GANC: variants seen among roughly 807,000 people sequenced by gnomAD.
GANC encodes glucosidase alpha, neutral C, also known as neutral alpha-glucosidase C.
A neutral mutation model predicts 124.2 loss-of-function variants in GANC; 117 were observed. The ratio of observed to expected loss-of-function variants is 0.94; its 90% CI spans 0.81 to 1.10. GANC has a LOEUF of 1.10. GANC is among the 50% of genes least tolerant of loss of function. The pLI, the probability that GANC is intolerant of heterozygous loss-of-function variation, is 0.00. For missense variants in GANC, 1,140 were observed against 1,095.0 expected, an observed-to-expected ratio of 1.04 and a Z score of -0.58; for synonymous variants, 377 against 376.8, an observed-to-expected ratio of 1.00 and a Z score of -0.01.
chr15:42,278,769 A>G (rs926767344), intron 3 of GANC, among the ~76,000 whole-genome samples, 179 bp downstream of exon 3: 2 of 152,182 alleles, frequency 1.3e-5, no homozygotes, highest in Non-Finnish European at 2.9e-5. Flanking sequence ...AGAAGTGGGC[A>G]GATTGCTCGA....
At chr15:42,311,749 A>G (rs568031180) in intron 10 of GANC, among the ~76,000 whole-genome samples, 1 of 152,214 alleles carries the variant, frequency 6.6e-6, no homozygotes, top group African/African-American at 2.4e-5. Context: ...CGCCTCCATG[A>G]TCCAGTCATC....
chr15:42,349,400 G>C lies in GANC; in HGVS notation c.2436G>C (p.Glu812Asp), dbSNP rs745573426. The C allele has an allele frequency of 4.3e-6, 7 of 1,611,090 alleles. No individual in the cohort carries two copies. The highest frequency in any genetic ancestry group is 5.9e-6 in the Non-Finnish European group (7 of 1,177,284). ...ALSTKGSSVG[E>D]LYLDDGHSFQ... ...TTCTCCAGGGTTCTTCAGTGGGTGAGTTATATCTTGATGATGGCCATTCAT... is the reference window on the plus strand; with the variant it reads ...TTCTCCAGGGTTCTTCAGTGGGTGACTTATATCTTGATGATGGCCATTCAT... Residue 812 changes from glutamate (E) to aspartate (D), a missense_variant, in exon 22 of 24, where the codon GAG becomes GAC. Coordinates refer to ENST00000318010, the MANE Select transcript of GANC (RefSeq NM_198141.3).
chr15:42,274,464 C>G lies in GANC; in HGVS notation c.-18C>G, dbSNP rs184522168. ...CTTGTCCTGAGAGCTGGGAGCTGGT[C>G]GGAGTGACAGAGAAGCCATGGAAGC... On this transcript the variant is annotated 5_prime_UTR_variant, in exon 1 of 24. Transcript: ENST00000318010. The G allele has an allele frequency of 6.2e-7, 1 of 1,609,322 alleles. No individual in the cohort carries two copies. Among genetic ancestry groups the G allele is most frequent in the East Asian group, 2.2e-5 (1 of 44,794 alleles).
At chr15:42,304,714 A>G (rs1008427377) in intron 6 of GANC, among the ~76,000 whole-genome samples, 2 of 152,234 alleles carry the variant, frequency 1.3e-5, no homozygotes, top group South Asian at 2.1e-4. Context: ...ACTTCAAATT[A>G]TACTACAAGG....
At chr15:42,302,590 G>A (rs201234262) in intron 6 of GANC, among the ~76,000 whole-genome samples, 5 of 152,086 alleles carry the variant, frequency 3.3e-5, no homozygotes, top group Non-Finnish European at 5.9e-5. Context: ...CCAATGCAAG[G>A]AAGCTAAGAA....
chr15:42,310,312 T>C lies in GANC; in HGVS notation c.752T>C (p.Leu251Pro), dbSNP rs891129983. Residue 251 changes from leucine (L) to proline (P), a missense_variant, in exon 9 of 24, where the codon CTG becomes CCG. By Grantham distance (98) the Leu-to-Pro change is moderately conservative. Transcript: ENST00000318010. ...GGAGATGCTTACCGTCTTTATAACC[T>C]GGATGTCTATGGATACCAAATATAT... ...GDGDAYRLYNLDVYGYQIYDK... is the reference protein window; with the variant it reads ...GDGDAYRLYNPDVYGYQIYDK... 6.2e-7 allele frequency: 1 copy of C among 1,609,660 alleles called. No homozygotes were observed. The highest frequency in any genetic ancestry group is 1.3e-5 in the African/African-American group (1 of 74,976).
At chr15:42,326,274 C>G in intron 11 of GANC, 24 bp from the exon 12 acceptor site, 1 of 1,553,528 alleles carries the variant, frequency 6.4e-7, no homozygotes. Flanking sequence ...CTGATGAGAC[C>G]TCCAAACCTT....
Position 42,345,690 on chromosome 15 carries a change from GCT to G in GANC, c.2230-67_2230-66del, listed in dbSNP as rs1256868145. 3 of 847,316 alleles carry G rather than the reference GCT, an allele frequency of 3.5e-6. No individual in the cohort carries two copies. The East Asian group carries it at 7.4e-5, about 21-fold the overall frequency. The allele number at this position is 847,316 out of a possible 1,614,324, so 52.5% of individuals were successfully genotyped here. Reference sequence around the variant, plus strand: ...TGAAATCCAGGTAAGTGGATATTTTGCTGACTAATGAAATGGTGAGCAGAGTT... The same window carrying G: ...TGAAATCCAGGTAAGTGGATATTTTGGACTAATGAAATGGTGAGCAGAGTT... On this transcript the variant is annotated intron_variant, in intron 19 of 23. Coordinates refer to ENST00000318010, the MANE Select transcript of GANC (RefSeq NM_198141.3).
At chr15:42,295,639 GACACACAC>G (rs60220273) in intron 5 of GANC, among the ~76,000 whole-genome samples, 77,567 of 137,544 alleles carry the variant, frequency 0.56, 23,789 homozygotes, top group Non-Finnish European at 0.69. Context: ...CTTTATTATA[GACACACAC>G]ACACACACAC....
intron 18 of GANC, among the ~76,000 whole-genome samples, chr15:42,341,230 A>G (rs939933279): frequency 3.9e-5 from 6 of 152,036 alleles, no homozygotes; most frequent in African/African-American, 1.2e-4. Flanking sequence ...GTAGGATCAT[A>G]CCTCCATTCT....
At chr15:42,310,595 A>T (rs920110958) in intron 9 of GANC, 98 bp from the exon 10 acceptor site, 1 of 1,494,172 alleles carries the variant, frequency 6.7e-7, no homozygotes, top group Non-Finnish European at 9.1e-7. Context: ...AGTGAATATC[A>T]GTAGTATCTA....
At position 42,293,034 on chromosome 15, in the gene GANC, G is replaced by C. The variant is rs150161481; in HGVS notation, c.512+117G>C. 1.4e-4 allele frequency: 134 copies of C among 933,906 alleles called. No homozygotes were observed. The East Asian group carries it at 3.2e-3, about 22-fold the overall frequency. The allele number at this position is 933,906 out of a possible 1,614,324, so 57.9% of individuals were successfully genotyped here. ...AAATTGGTTTGCCTTATTTGCTCTA[G>C]TATTGTTCTGAGAAATTTTACCTTT... is the stretch of plus-strand genomic sequence containing the variant. On this transcript the variant is annotated intron_variant, in intron 5 of 23. Transcript: ENST00000318010.
chr15:42,319,585 C>T (rs1215283727), intron 10 of GANC, among the ~76,000 whole-genome samples: 2 of 151,892 alleles, frequency 1.3e-5, no homozygotes, highest in African/African-American at 4.8e-5. Flanking sequence ...GTCTTAAACC[C>T]CTGGTCTCAA....
At position 42,321,860 on chromosome 15, in the gene GANC, TA is replaced by T. The variant is rs779397698; in HGVS notation, c.1137del (p.Ala380GlnfsTer20). 1.5e-5 allele frequency: 25 copies of T among 1,614,214 alleles called. 1 individual carries two copies. In the Admixed American group the frequency reaches 3.2e-4, roughly 20 times the overall value. ...CRWNYEDEQD[V>X]KAVDAGFDEH... The stretch of plus-strand genomic sequence containing the variant: ...TGGAACTATGAAGATGAGCAGGATG[TA>T]AAAGCAGTGGATGCAGGGTTTGATG... On this transcript the variant is annotated frameshift_variant, in exon 11 of 24. Coordinates refer to ENST00000318010, the MANE Select transcript of GANC (RefSeq NM_198141.3). LOFTEE classifies it high-confidence loss of function.
At position 42,353,082 on chromosome 15, in the gene GANC, G is replaced by C. The variant is rs2052471164; in HGVS notation, c.*943G>C. 6.2e-6 allele frequency: 6 copies of C among 973,804 alleles called. No individual in the cohort carries two copies. Among genetic ancestry groups the C allele is most frequent in the Non-Finnish European group, 7.3e-6 (6 of 819,086 alleles). The allele number at this position is 973,804 out of a possible 1,614,324, so 60.3% of individuals were successfully genotyped here. A position where few individuals can be genotyped will look rare whatever the true frequency, so the allele number is the denominator to read the frequency against. Reference sequence around the variant, plus strand: ...AAATAAAGACAGGATTAGTATTACTGAGTTTTCCTTTTGTCCCAGGCTCTA... The same window carrying C: ...AAATAAAGACAGGATTAGTATTACTCAGTTTTCCTTTTGTCCCAGGCTCTA... On this transcript the variant is annotated 3_prime_UTR_variant, in exon 24 of 24. Transcript: ENST00000318010.
intron 22 of GANC, among the ~76,000 whole-genome samples, chr15:42,349,847 C>G (rs182646510): frequency 1.7e-4 from 26 of 151,940 alleles, no homozygotes; most frequent in Non-Finnish European, 3.1e-4. Flanking sequence ...CGGGGTTTCA[C>G]CATGTTAGCT....
intron 15 of GANC, among the ~76,000 whole-genome samples, chr15:42,336,150 G>GA (rs1034705058): frequency 8.8e-5 from 11 of 125,008 alleles, no homozygotes; most frequent in South Asian, 5.2e-4. Flanking sequence ...AAAAAAAAAA[G>GA]AAAAAAAAAA....
chr15:42,329,226 T>C, intron 13 of GANC, 80 bp from the exon 14 acceptor site: 1 of 1,393,584 alleles, frequency 7.2e-7, no homozygotes, highest in Non-Finnish European at 9.8e-7. Flanking sequence ...ACATAATTTT[T>C]AAAATGAGGT....
At chr15:42,339,642 C>A (rs1226462765) in intron 16 of GANC, 27 bp from the exon 17 acceptor site, 1 of 1,603,620 alleles carries the variant, frequency 6.2e-7, no homozygotes, top group Non-Finnish European at 8.5e-7. Flanking sequence ...AGCTTGGTTG[C>A]CTCACTTGGC....
Sources: allele counts gnomAD v4.1 joint callset (sites outside exome capture counted in the v4.1 genomes callset), GRCh38; gene constraint gnomAD v4.1.1; transcripts MANE v1.5; gene names NCBI Gene and HGNC (gene_info 2026-07-23, HGNC 2026-07-21).